GPATCH2: variants seen among roughly 807,000 people sequenced by gnomAD.
GPATCH2 encodes G-patch domain containing 2.
GPATCH2 carries 51 observed loss-of-function variants against 58.0 expected under a neutral mutation model. The observed-to-expected ratio is 0.88, with a 90% CI of 0.70 to 1.11. The LOEUF (loss-of-function observed/expected upper bound fraction) is 1.11, where lower values mean the gene tolerates loss of function less well. Ranked by LOEUF, GPATCH2 falls within the 50% of genes most tolerant of loss-of-function variation. The pLI, the probability that GPATCH2 is intolerant of heterozygous loss-of-function variation, is 0.00. For synonymous variants in GPATCH2, 222 were observed against 218.5 expected, an observed-to-expected ratio of 1.02 and a Z score of -0.14; for missense variants, 625 against 652.2, an observed-to-expected ratio of 0.96 and a Z score of 0.45.
intron 5 of GPATCH2, among the ~76,000 whole-genome samples, chr1:217,515,372 AGGT>A (rs965941148): frequency 1.3e-5 from 2 of 151,968 alleles, no homozygotes; most frequent in Non-Finnish European, 2.9e-5. Flanking sequence ...TTGGGATTAC[AGGT>A]GTGAGCCACC....
chr1:217,499,276 A>G (rs1190147515), intron 6 of GPATCH2, among the ~76,000 whole-genome samples: 2 of 152,224 alleles, frequency 1.3e-5, no homozygotes, highest in East Asian at 3.8e-4. Flanking sequence ...ACCTCTATGT[A>G]CTAAGCACGT....
intron 9 of GPATCH2, among the ~76,000 whole-genome samples, chr1:217,438,734 C>T (rs535795202): frequency 7.2e-5 from 11 of 152,212 alleles, no homozygotes; most frequent in Admixed American, 7.2e-4. Context: ...ACCAAACCTA[C>T]GGTTGATAGG....
At chr1:217,487,986 C>T (rs1432600387) in intron 8 of GPATCH2, among the ~76,000 whole-genome samples, 4 of 152,154 alleles carry the variant, frequency 2.6e-5, no homozygotes, top group African/African-American at 9.7e-5. Flanking sequence ...GTGATCCACC[C>T]GCCTTGGCTT....
At chr1:217,568,773 AG>A (rs1408090336) in intron 5 of GPATCH2, among the ~76,000 whole-genome samples, 1 of 152,220 alleles carries the variant, frequency 6.6e-6, no homozygotes, top group Non-Finnish European at 1.5e-5. Flanking sequence ...TTAGTGAGAC[AG>A]GAGGCCATTC....
intron 5 of GPATCH2, chr1:217,609,583 A>G (rs1355456077): frequency 2.0e-6 from 2 of 984,684 alleles, no homozygotes; most frequent in African/African-American, 3.5e-5. Context: ...AGGAAGCTGA[A>G]CAAAATACAA....
chr1:217,516,195 C>T (rs1269702914), intron 5 of GPATCH2, among the ~76,000 whole-genome samples: 13 of 146,812 alleles, frequency 8.9e-5, no homozygotes, highest in Admixed American at 8.3e-4. Context: ...CATACATTTA[C>T]AGCAAAAGGC....
Position 217,527,748 on chromosome 1 carries a change from A to G in GPATCH2, c.1099-12859T>C, listed in dbSNP as rs114785222. ...TCTACATTTAGTCCTAGAAAACAAC[A>G]AGTCATTTGGTGGACCAGGAATTCA... On this transcript the variant is annotated intron_variant, in intron 5 of 9. Coordinates refer to ENST00000366935, the MANE Select transcript of GPATCH2 (RefSeq NM_018040.5). Among the ~76,000 whole-genome samples, 845 of 152,296 alleles carry G rather than the reference A, an allele frequency of 5.5e-3. 7 individuals carry two copies. The highest frequency in any genetic ancestry group is 0.019 in the African/African-American group (789 of 41,556).
chr1:217,585,288 T>G (rs1667286872), intron 5 of GPATCH2, among the ~76,000 whole-genome samples: 1 of 152,030 alleles, frequency 6.6e-6, no homozygotes, highest in Admixed American at 6.6e-5. Context: ...TATTAATATA[T>G]TCTAATATTA....
rs1241346850 is a variant in GPATCH2, at chr1:217,429,455, C to T, written c.*1690G>A. 6.6e-6 allele frequency: 1 copy of T among 152,104 alleles called. No homozygotes were observed. Among genetic ancestry groups the T allele is most frequent in the Non-Finnish European group, 1.5e-5 (1 of 68,010 alleles). 9.4% of individuals were successfully genotyped at this position (152,104 alleles called of 1,614,324 possible). A position where few individuals can be genotyped will look rare whatever the true frequency, so the allele number is the denominator to read the frequency against. On this transcript the variant is annotated 3_prime_UTR_variant, in exon 10 of 10. Transcript: ENST00000366935. ...AAATAGCAGGTTGGACTTCCCCTCC[C>T]TAGTTGGCAGGATTTTTTTTAGGGG...
At chr1:217,450,085 T>C (rs1183977027) in intron 8 of GPATCH2, among the ~76,000 whole-genome samples, 1 of 152,144 alleles carries the variant, frequency 6.6e-6, no homozygotes, top group African/African-American at 2.4e-5. Context: ...ATGGGCCAGT[T>C]AGAAATCAAG....
intron 8 of GPATCH2, among the ~76,000 whole-genome samples, chr1:217,459,655 A>C (rs1239598226): frequency 1.3e-5 from 2 of 152,178 alleles, no homozygotes; most frequent in East Asian, 3.8e-4. Flanking sequence ...ATGTAATCCC[A>C]CACTCTCTCT....
At chr1:217,478,434 G>A (rs1165367625) in intron 8 of GPATCH2, among the ~76,000 whole-genome samples, 2 of 152,122 alleles carry the variant, frequency 1.3e-5, no homozygotes, top group Admixed American at 1.3e-4. Flanking sequence ...TTAATAAAGA[G>A]ATTGAAATAA....
rs1558394956 is a variant in GPATCH2 at position 217,442,767 on chromosome 1, C to G, written c.1366+6482G>C. 2.0e-5 allele frequency among the ~76,000 whole-genome samples: 3 copies of G among 152,054 alleles called. No homozygotes were observed. The East Asian group carries it at 5.8e-4, about 29-fold the overall frequency. On this transcript the variant is annotated intron_variant, in intron 9 of 9. Transcript: ENST00000366935. ...TTGTATTTATGGTAAAAAGCATATA[C>G]TGAGTTTTCTTCTTTTATCCATTAT...
chr1:217,491,147 G>T (rs144579708), intron 8 of GPATCH2, among the ~76,000 whole-genome samples: 4 of 152,204 alleles, frequency 2.6e-5, no homozygotes, highest in Non-Finnish European at 5.9e-5. Context: ...CAAAAATTAA[G>T]TCTTCAGAAA....
At chr1:217,500,905 A>C (rs1662264828) in intron 6 of GPATCH2, among the ~76,000 whole-genome samples, 1 of 152,076 alleles carries the variant, frequency 6.6e-6, no homozygotes, top group South Asian at 2.1e-4. Context: ...TTTTGAGATA[A>C]TTGTAGGTTT....
At chr1:217,597,123 G>A (rs1335141864) in intron 5 of GPATCH2, among the ~76,000 whole-genome samples, 2 of 151,426 alleles carry the variant, frequency 1.3e-5, no homozygotes, top group Admixed American at 6.6e-5. Context: ...CCAGGAGTTC[G>A]AGAACAGCAT....
intron 5 of GPATCH2, among the ~76,000 whole-genome samples, chr1:217,569,077 G>T (rs1666410298): frequency 6.6e-6 from 1 of 151,028 alleles, no homozygotes; most frequent in Non-Finnish European, 1.5e-5. Flanking sequence ...ATGACAGCAA[G>T]GTTTATAGTA....
At position 217,559,421 on chromosome 1, in the gene GPATCH2, CAT is replaced by C. The variant is rs2102688130; in HGVS notation, c.1099-44534_1099-44533del. Among the ~76,000 whole-genome samples, 4 of 152,214 alleles carry C rather than the reference CAT, an allele frequency of 2.6e-5. No individual in the cohort carries two copies. The East Asian group carries it at 5.8e-4, about 22-fold the overall frequency. On this transcript the variant is annotated intron_variant, in intron 5 of 9. Transcript: ENST00000366935. ...TTCAACGGCCCCTCCATACCTGTGACATAAAAAATCAAACTCCTTTTTCTACT... is the reference window on the plus strand; with the variant it reads ...TTCAACGGCCCCTCCATACCTGTGACAAAAAATCAAACTCCTTTTTCTACT...
At chr1:217,470,586 A>AGGG (rs1660682030) in intron 8 of GPATCH2, among the ~76,000 whole-genome samples, 1 of 152,204 alleles carries the variant, frequency 6.6e-6, no homozygotes, top group South Asian at 2.1e-4. Context: ...ACCCTCTATG[A>AGGG]TCATTAGTTT....
Sources: allele counts gnomAD v4.1 joint callset (sites outside exome capture counted in the v4.1 genomes callset), GRCh38; gene constraint gnomAD v4.1.1; transcripts MANE v1.5; gene names NCBI Gene and HGNC (gene_info 2026-07-23, HGNC 2026-07-21).